Variants in BCL2 observed in about 807,000 individuals in gnomAD.
The protein encoded by BCL2 is BCL2 apoptosis regulator.
In BCL2, 1 loss-of-function variant was observed where a neutral mutation model predicts 14.2. The observed-to-expected ratio is 0.07, with a 90% confidence interval of 0.02 to 0.33. The LOEUF is 0.33. BCL2 is among the 10% of genes least tolerant of loss of function. The pLI is 0.99. For synonymous variants in BCL2, 151 were observed against 137.2 expected, an observed-to-expected ratio of 1.10 and a Z score of -0.70; for missense variants, 247 against 305.9, an observed-to-expected ratio of 0.81 and a Z score of 1.44.
intron 2 of BCL2, among the ~76,000 whole-genome samples, chr18:63,154,329 C>G (rs956402914): frequency 2.0e-5 from 3 of 152,164 alleles, no homozygotes; most frequent in Admixed American, 6.5e-5. Context: ...AAGAAGCTCC[C>G]AACCGATCTT....
chr18:63,198,863 A>AG (rs1491587257), intron 2 of BCL2, among the ~76,000 whole-genome samples: 3 of 151,730 alleles, frequency 2.0e-5, no homozygotes, highest in South Asian at 2.1e-4. Context: ...AGACACACAC[A>AG]AAGACACACA....
At chr18:63,210,295 G>T (rs780570892) in intron 2 of BCL2, among the ~76,000 whole-genome samples, 3 of 152,168 alleles carry the variant, frequency 2.0e-5, no homozygotes, top group Non-Finnish European at 2.9e-5. Context: ...GAGGCCTTGG[G>T]GGTGGAAGAT....
intron 2 of BCL2, among the ~76,000 whole-genome samples, chr18:63,161,485 T>C (rs888271426): frequency 6.6e-6 from 1 of 152,186 alleles, no homozygotes; most frequent in Non-Finnish European, 1.5e-5. Context: ...GCCCTTGTAC[T>C]CCAAGACTTT....
chr18:63,260,967 A>G (rs1680856458), intron 2 of BCL2, among the ~76,000 whole-genome samples: 1 of 152,252 alleles, frequency 6.6e-6, no homozygotes, highest in South Asian at 2.1e-4. Context: ...ACAAAGAATT[A>G]AAAGAAGAAG....
intron 2 of BCL2, among the ~76,000 whole-genome samples, chr18:63,282,736 A>G (rs771275688): frequency 3.3e-5 from 5 of 152,202 alleles, no homozygotes; most frequent in Admixed American, 6.5e-5. Context: ...TGTATGTCAA[A>G]ATATAGGCCC....
At position 63,125,869 on chromosome 18, in the gene BCL2, A is replaced by G. The variant is rs959339487; in HGVS notation, c.*2756T>C. 4.2e-5 allele frequency: 9 copies of G among 216,774 alleles called. No homozygotes were observed. Among genetic ancestry groups the G allele is most frequent in the Non-Finnish European group, 7.5e-5 (8 of 107,336 alleles). The allele number at this position is 216,774 out of a possible 1,614,324, so 13.4% of individuals were successfully genotyped here. A position where few individuals can be genotyped will look rare whatever the true frequency, so the allele number is the denominator to read the frequency against. On this transcript the variant is annotated 3_prime_UTR_variant, in exon 3 of 3. Transcript: ENST00000333681. ...TATTAAAACCAGGTAACAAAACCCC[A>G]CAGCAAAAGGCAGCCAGCCAGCAAT...
intron 2 of BCL2, among the ~76,000 whole-genome samples, chr18:63,309,588 T>C (rs1913242397): frequency 6.6e-6 from 1 of 152,170 alleles, no homozygotes; most frequent in Non-Finnish European, 1.5e-5. Flanking sequence ...CTGTTCCAGG[T>C]GCTTCAGACC....
intron 2 of BCL2, among the ~76,000 whole-genome samples, chr18:63,210,641 G>T (rs1419143080): frequency 6.6e-6 from 1 of 152,174 alleles, no homozygotes; most frequent in Non-Finnish European, 1.5e-5. Flanking sequence ...TGGATGAAAA[G>T]ATAATATTTT....
At chr18:63,315,462 A>G (rs1404254397) in intron 2 of BCL2, 1 of 152,202 alleles carries the variant, frequency 6.6e-6, no homozygotes, top group African/African-American at 2.4e-5. Context: ...AGTCAAACAG[A>G]TTTCCTCAGC....
intron 2 of BCL2, among the ~76,000 whole-genome samples, chr18:63,297,338 T>C (rs1329377088): frequency 6.6e-6 from 1 of 152,240 alleles, no homozygotes; most frequent in African/African-American, 2.4e-5. Context: ...CACAAAATTC[T>C]TATAAAAATT....
chr18:63,152,870 G>A (rs1190465998), intron 2 of BCL2, among the ~76,000 whole-genome samples: 1 of 152,186 alleles, frequency 6.6e-6, no homozygotes, highest in Non-Finnish European at 1.5e-5. Flanking sequence ...GGGTCCTTCA[G>A]CGGAGACTAC....
At chr18:63,146,489 A>G (rs1914517231) in intron 2 of BCL2, among the ~76,000 whole-genome samples, 1 of 152,284 alleles carries the variant, frequency 6.6e-6, no homozygotes, top group Admixed American at 6.5e-5. Context: ...CGCTGGAGTC[A>G]GCCAGAGGCC....
intron 2 of BCL2, among the ~76,000 whole-genome samples, chr18:63,154,334 G>A (rs779048772): frequency 3.3e-5 from 5 of 152,136 alleles, no homozygotes; most frequent in Admixed American, 2.6e-4. Flanking sequence ...GCTCCCAACC[G>A]ATCTTCCCTC....
intron 2 of BCL2, chr18:63,302,288 C>T (rs1213094486): frequency 2.1e-6 from 2 of 946,214 alleles, no homozygotes; most frequent in Non-Finnish European, 2.5e-6. Context: ...GCAACAAGAG[C>T]AAAACTCCTT....
intron 2 of BCL2, among the ~76,000 whole-genome samples, chr18:63,169,316 C>CTTCT (rs1568222510): frequency 4.3e-4 from 33 of 76,374 alleles, no homozygotes; most frequent in South Asian, 2.5e-3. Flanking sequence ...TTCTTCCTTC[C>CTTCT]TTCCTTCTTT....
At chr18:63,167,565 A>T (rs1463090628) in intron 2 of BCL2, among the ~76,000 whole-genome samples, 1 of 152,090 alleles carries the variant, frequency 6.6e-6, no homozygotes, top group African/African-American at 2.4e-5. Flanking sequence ...GGATCACTTG[A>T]GCCTAAGAGT....
intron 2 of BCL2, among the ~76,000 whole-genome samples, chr18:63,129,164 G>C (rs1483415435): frequency 6.6e-6 from 1 of 152,182 alleles, no homozygotes; most frequent in East Asian, 1.9e-4. Context: ...ATTTTAGCTA[G>C]CATGCCCATC....
At chr18:63,233,775 C>A (rs915424237) in intron 2 of BCL2, among the ~76,000 whole-genome samples, 3 of 152,108 alleles carry the variant, frequency 2.0e-5, no homozygotes, top group African/African-American at 7.2e-5. Context: ...CAAAATGCAA[C>A]AGGTATGTAA....
intron 2 of BCL2, among the ~76,000 whole-genome samples, chr18:63,313,625 T>C (rs184628909): frequency 6.6e-6 from 1 of 152,320 alleles, no homozygotes; most frequent in African/African-American, 2.4e-5. Context: ...GAGATACTGC[T>C]TTGCTAAACT....
Sources: allele counts gnomAD v4.1 joint callset (sites outside exome capture counted in the v4.1 genomes callset), GRCh38; gene constraint gnomAD v4.1.1; transcripts MANE v1.5; gene names NCBI Gene and HGNC (gene_info 2026-07-23, HGNC 2026-07-21).